The following AKAP13 variants were observed in gnomAD, a reference collection of about 807,000 sequenced individuals.
AKAP13 encodes the protein A-kinase anchoring protein 13.
A neutral mutation model predicts 264.5 loss-of-function variants in AKAP13; 80 were observed. That is an observed-to-expected ratio of 0.30 (90% CI 0.25 to 0.36). The LOEUF is 0.36. AKAP13 is among the 10% of genes least tolerant of loss of function. The pLI, the probability that AKAP13 is intolerant of heterozygous loss-of-function variation, is 1.00. For missense variants in AKAP13, 3,712 were observed against 3,435.2 expected, an observed-to-expected ratio of 1.08 and a Z score of -2.01; for synonymous variants, 1,380 against 1,250.2, an observed-to-expected ratio of 1.10 and a Z score of -2.19.
chr15:85,735,685 T>G, intron 32 of AKAP13, 55 bp downstream of exon 32: 2 of 1,502,274 alleles, frequency 1.3e-6, no homozygotes, highest in Non-Finnish European at 1.8e-6. Context: ...TCTGAATTCA[T>G]AACCTTTGAA....
chr15:85,392,379 T>C (rs1012869840), intron 1 of AKAP13, among the ~76,000 whole-genome samples: 2 of 149,674 alleles, frequency 1.3e-5, no homozygotes, highest in African/African-American at 2.5e-5. Context: ...CTCAGCCTCC[T>C]GAGTAGCTGG....
intron 1 of AKAP13, among the ~76,000 whole-genome samples, chr15:85,449,547 T>C (rs1254664674): frequency 1.3e-5 from 2 of 152,210 alleles, no homozygotes; most frequent in Non-Finnish European, 2.9e-5. Flanking sequence ...AGTATGATGT[T>C]GGCTGTGGAT....
intron 8 of AKAP13, among the ~76,000 whole-genome samples, chr15:85,595,716 T>C (rs979160343): frequency 1.3e-5 from 2 of 152,208 alleles, no homozygotes; most frequent in Non-Finnish European, 2.9e-5. Flanking sequence ...TTGTAGTTAT[T>C]TTTTTACTTT....
At chr15:85,553,635 A>G (rs2078040709) in intron 5 of AKAP13, among the ~76,000 whole-genome samples, 1 of 152,232 alleles carries the variant, frequency 6.6e-6, no homozygotes, top group Non-Finnish European at 1.5e-5. Flanking sequence ...ACTGGCCAAT[A>G]GAATTTCTGC....
chr15:85,717,489 C>G, intron 21 of AKAP13, 87 bp downstream of exon 21: 2 of 879,488 alleles, frequency 2.3e-6, no homozygotes, highest in Non-Finnish European at 1.8e-6. Flanking sequence ...AATGGAGTGA[C>G]AGTACCTGCC....
intron 33 of AKAP13, among the ~76,000 whole-genome samples, chr15:85,737,653 G>A (rs1204345592): frequency 6.6e-6 from 1 of 152,128 alleles, no homozygotes; most frequent in Non-Finnish European, 1.5e-5. Context: ...ATCTTTAAAT[G>A]ACAAACCTGA....
intron 30 of AKAP13, among the ~76,000 whole-genome samples, chr15:85,733,542 C>A (rs1028514189): frequency 6.6e-6 from 1 of 152,144 alleles, no homozygotes. Context: ...ATAATTTGTA[C>A]TATTTTCCCT....
chr15:85,689,977 G>A (rs925772212), intron 16 of AKAP13: 5 of 152,250 alleles, frequency 3.3e-5, no homozygotes, highest in South Asian at 2.1e-4. Context: ...CTGCCCTGAC[G>A]GCATGCGCCC....
chr15:85,658,572 C>T lies in AKAP13; in HGVS notation c.4781C>T (p.Pro1594Leu), dbSNP rs1164077364. The T allele has an allele frequency of 1.9e-6, 3 of 1,613,832 alleles. No homozygotes were observed. Among genetic ancestry groups the T allele is most frequent in the East Asian group, 2.2e-5 (1 of 44,876 alleles). The change falls in exon 12 of 37, where the codon CCT becomes CTT. Residue 1594 changes from proline to leucine, a missense_variant. By Grantham distance (98) the Pro-to-Leu change is moderately conservative. Transcript: ENST00000394518. ...GTTCTTGGGGATGTTGTCAGGAGAC[C>T]TCCCATTCATAGGAGAAGGTACAGA... ...MRVLGDVVRR[P>L]PIHRRSFSLE...
Position 85,538,988 on chromosome 15 carries a change from G to A in AKAP13, c.479-4784G>A, listed in dbSNP as rs567621306. Among the ~76,000 whole-genome samples the A allele has an allele frequency of 1.2e-4, 18 of 149,386 alleles. No homozygotes were observed. The South Asian group carries it at 1.5e-3, about 12-fold the overall frequency. ...TGGGACTACAGGTGCCCGCCACCAC[G>A]CCAGGCTAATTTTTTGTATTTTTTG... On this transcript the variant is annotated intron_variant, in intron 4 of 36. Transcript: ENST00000394518.
chr15:85,656,477 C>G (rs1347756500), intron 11 of AKAP13, among the ~76,000 whole-genome samples: 1 of 151,898 alleles, frequency 6.6e-6, no homozygotes, highest in African/African-American at 2.4e-5. Flanking sequence ...GATGGAGTCT[C>G]GCTCTGTCAC....
At chr15:85,536,290 T>TA (rs1244872441) in intron 4 of AKAP13, 1 of 152,228 alleles carries the variant, frequency 6.6e-6, no homozygotes, top group Non-Finnish European at 1.5e-5. Flanking sequence ...CACAATGAGA[T>TA]ATCATTACAC....
In AKAP13 at chr15:85,579,286, T is replaced by A. The variant is rs1233849948; in HGVS notation, c.1218T>A (p.Asp406Glu). Residue 406 changes from aspartate to glutamate, a missense_variant, in exon 7 of 37, where the codon GAT (aspartate) becomes GAA (glutamate). By Grantham distance (45) the Asp-to-Glu change is conservative. Around this residue, in one of 3 missense-constraint regions of AKAP13, gnomAD observed 2,759 missense variants for 2,411.7 expected, o/e 1.14. Coordinates refer to ENST00000394518, the MANE Select transcript of AKAP13 (RefSeq NM_007200.5). ...DQDSCLQSLP[D>E]CGVKGTEGLS... The stretch of plus-strand genomic sequence containing the variant: ...ACAGCTGCCTTCAGAGCTTGCCTGA[T>A]TGTGGAGTAAAGGGCACGGAAGGCC... 23 of 1,614,056 alleles carry A rather than the reference T, an allele frequency of 1.4e-5. No individual in the cohort carries two copies. Among genetic ancestry groups the A allele is most frequent in the Non-Finnish European group, 1.9e-5 (23 of 1,180,032 alleles).
chr15:85,631,502 T>TCTCACA (rs1372440393), intron 8 of AKAP13, among the ~76,000 whole-genome samples: 171 of 141,036 alleles, frequency 1.2e-3, no homozygotes, highest in Middle Eastern at 3.6e-3. Context: ...TCTCTCTCTC[T>TCTCACA]CACACACACA....
rs1488649971 is a variant in AKAP13, at chr15:85,669,828, A to G, written c.5099A>G (p.Asp1700Gly). ...ATGACAATCAGCCATCCTGGATTGG[A>G]CAGTGAGTATACTACTTTTTAAAAA... ...SLMTISHPGL[D>G]NSRPFHSTFH... The change falls in exon 14 of 37, where the codon GAC (aspartate) becomes GGC (glycine). Residue 1700 changes from aspartate (D) to glycine (G), a missense_variant and splice_region_variant. By Grantham distance (94) the Asp-to-Gly change is moderately conservative (BLOSUM62 -1). This residue lies in a region of AKAP13 where 2,759 missense variants were observed against 2,411.7 expected (regional missense o/e 1.14). Transcript: ENST00000394518. The G allele has an allele frequency of 3.8e-6, 6 of 1,593,168 alleles. No homozygotes were observed. The highest frequency in any genetic ancestry group is 4.3e-6 in the Non-Finnish European group (5 of 1,161,232).
chr15:85,487,559 A>G (rs1361147464), intron 2 of AKAP13, among the ~76,000 whole-genome samples: 3 of 152,186 alleles, frequency 2.0e-5, no homozygotes, highest in Non-Finnish European at 4.4e-5. Context: ...CATTGACTCA[A>G]TTAAATAGTT....
chr15:85,484,126 G>T (rs2075449413), intron 1 of AKAP13, among the ~76,000 whole-genome samples: 1 of 152,068 alleles, frequency 6.6e-6, no homozygotes, highest in African/African-American at 2.4e-5. Context: ...GTCTGAGCAG[G>T]CCCTGGAAAG....
At chr15:85,695,590 A>G (rs934075788) in intron 17 of AKAP13, among the ~76,000 whole-genome samples, 2 of 152,182 alleles carry the variant, frequency 1.3e-5, no homozygotes, top group African/African-American at 4.8e-5. Flanking sequence ...TTCATGTAAA[A>G]TGATTTTTAT....
At position 85,580,237 on chromosome 15, in the gene AKAP13, G is replaced by A. The variant is rs770971142; in HGVS notation, c.2169G>A (p.Arg723=). ...QAHTVTSDPV[R]DTQERADFCP... is the part of the protein sequence containing the mutation. ...ATACAGTCACCTCTGACCCTGTAAG[G>A]GATACCCAGGAACGTGCGGATTTTT... The change falls in exon 7 of 37, where the codon AGG becomes AGA. Residue 723 remains arginine (R), a synonymous_variant. Coordinates refer to ENST00000394518, the MANE Select transcript of AKAP13 (RefSeq NM_007200.5). 5 of 1,614,164 alleles carry A rather than the reference G, an allele frequency of 3.1e-6. No homozygotes were observed. Among genetic ancestry groups the A allele is most frequent in the Non-Finnish European group, 4.2e-6 (5 of 1,180,034 alleles).
Sources: gnomAD v4.1 joint callset for allele counts (sites outside exome capture counted in the v4.1 genomes callset) on GRCh38, gnomAD v4.1.1 for gene constraint, gnomAD v4.1.1 regional missense constraint, MANE v1.5 for transcripts, NCBI Gene and HGNC (gene_info 2026-07-23, HGNC 2026-07-21) for gene names.